XPO7: variants seen among roughly 807,000 people sequenced by gnomAD.
XPO7 encodes exportin 7, also known as exportin-7.
In XPO7, 21 loss-of-function variants were observed where a neutral mutation model predicts 144.3. The ratio of observed to expected loss-of-function variants is 0.15; its 90% CI spans 0.10 to 0.21. The LOEUF is 0.21. Ranked by LOEUF, XPO7 falls within the 10% of genes least tolerant of loss-of-function variation. The pLI, the probability that XPO7 is intolerant of heterozygous loss-of-function variation, is 1.00. For missense variants in XPO7, 808 were observed against 1,325.8 expected, an observed-to-expected ratio of 0.61 and a Z score of 6.06; for synonymous variants, 580 against 499.6, an observed-to-expected ratio of 1.16 and a Z score of -2.15.
chr8:21,920,053 G>C (rs1034195094), intron 1 of XPO7, among the ~76,000 whole-genome samples: 1 of 151,666 alleles, frequency 6.6e-6, no homozygotes, highest in Admixed American at 6.5e-5. Flanking sequence ...GGCGCGCGCA[G>C]CCCACAACGT....
At chr8:21,940,594 C>T (rs1313517642) in intron 1 of XPO7, among the ~76,000 whole-genome samples, 2 of 151,838 alleles carry the variant, frequency 1.3e-5, no homozygotes, top group African/African-American at 4.8e-5. Flanking sequence ...CTTAGCCTCC[C>T]AGTAGCTGGA....
At chr8:21,974,554 G>T (rs150226695) in intron 5 of XPO7, 116 bp from the exon 6 acceptor site, 6,943 of 668,746 alleles carry the variant, frequency 0.01, 48 homozygotes, top group Non-Finnish European at 0.014. Context: ...TGTTAAAAAT[G>T]TATTTTATGT....
intron 24 of XPO7, 95 bp from the exon 25 acceptor site, chr8:22,002,017 C>A (rs1202588917): frequency 1.4e-6 from 2 of 1,438,728 alleles, no homozygotes; most frequent in Non-Finnish European, 1.9e-6. Context: ...GTTGAATTGG[C>A]CACGGTACCC....
At chr8:21,943,569 A>G (rs1335618603) in intron 1 of XPO7, among the ~76,000 whole-genome samples, 1 of 152,248 alleles carries the variant, frequency 6.6e-6, no homozygotes, top group Non-Finnish European at 1.5e-5. Flanking sequence ...AGGGTGAGTC[A>G]TTTTGTTAAA....
At chr8:21,961,856 T>G (rs1277397333) in intron 1 of XPO7, among the ~76,000 whole-genome samples, 1 of 107,714 alleles carries the variant, frequency 9.3e-6, no homozygotes, top group African/African-American at 5.1e-5. Context: ...AGAGACGGGG[T>G]TTCATCACGT....
chr8:22,002,093 C>T lies in XPO7; in HGVS notation c.2783-19C>T, dbSNP rs1313785416. Reference sequence around the variant, plus strand: ...CACCATCAGCAGCTCTGTCCTACCCCTGCCTTTCTTTCTTGCAGACACCAT... The same window carrying T: ...CACCATCAGCAGCTCTGTCCTACCCTTGCCTTTCTTTCTTGCAGACACCAT... On this transcript the variant is annotated intron_variant, in intron 24 of 27. Coordinates refer to ENST00000252512, the MANE Select transcript of XPO7 (RefSeq NM_015024.5). 1.9e-6 allele frequency: 3 copies of T among 1,598,000 alleles called. No individual in the cohort carries two copies. The highest frequency in any genetic ancestry group is 2.6e-6 in the Non-Finnish European group (3 of 1,171,782).
chr8:21,966,416 A>G (rs557820452), intron 1 of XPO7: 3 of 696,298 alleles, frequency 4.3e-6, no homozygotes, highest in African/African-American at 3.5e-5. Flanking sequence ...ACTCAAAGGA[A>G]TATTTAAAGC....
chr8:21,932,701 T>C (rs1436503175), intron 1 of XPO7, among the ~76,000 whole-genome samples: 1 of 152,244 alleles, frequency 6.6e-6, no homozygotes, highest in Non-Finnish European at 1.5e-5. Context: ...TCTTTTATTA[T>C]TTCTAACGTT....
intron 1 of XPO7, among the ~76,000 whole-genome samples, chr8:21,933,959 A>T (rs1810737778): frequency 6.6e-6 from 1 of 152,180 alleles, no homozygotes. Context: ...TAAAATCTTA[A>T]TTTTGTTATG....
chr8:21,972,921 G>A (rs950784158), intron 5 of XPO7, among the ~76,000 whole-genome samples: 3 of 152,148 alleles, frequency 2.0e-5, no homozygotes, highest in East Asian at 1.9e-4. Context: ...TGCAATCCCC[G>A]TTGTGATCAG....
At chr8:21,999,006 A>G (rs763752178) in intron 22 of XPO7, 85 bp from the exon 23 acceptor site, 12 of 1,539,580 alleles carry the variant, frequency 7.8e-6, no homozygotes, top group Non-Finnish European at 1.1e-5. Flanking sequence ...GCCTACTGGA[A>G]TTTGTATGCC....
At chr8:21,962,103 C>G (rs1209518840) in intron 1 of XPO7, among the ~76,000 whole-genome samples, 1 of 152,194 alleles carries the variant, frequency 6.6e-6, no homozygotes, top group Admixed American at 6.5e-5. Context: ...GTATTTGGCA[C>G]TGACTTGGTA....
At position 21,966,221 on chromosome 8, in the gene XPO7, G is replaced by A. The variant is rs187710127; in HGVS notation, c.19-636G>A. 276 of 761,306 alleles carry A rather than the reference G, an allele frequency of 3.6e-4. No homozygotes were observed. In the African/African-American group the frequency reaches 4.1e-3, roughly 11 times the overall value. The allele number at this position is 761,306 out of a possible 1,614,324, so 47.2% of individuals were successfully genotyped here. On this transcript the variant is annotated intron_variant, in intron 1 of 27. Coordinates refer to ENST00000252512, the MANE Select transcript of XPO7 (RefSeq NM_015024.5). ...ATGCTAGGGTTGAATTTATTTTGAC[G>A]CTTTCATTTTAAATTTGGAACCAAA...
rs1195058355 is a variant in XPO7 at position 21,982,821 on chromosome 8, A to T, written c.1277+9A>T. On this transcript the variant is annotated intron_variant, in intron 11 of 27. Coordinates refer to ENST00000252512, the MANE Select transcript of XPO7 (RefSeq NM_015024.5). ...GTGCACATCATACTGAGGTAAGGAA[A>T]CTTAGCCTCATTCATTCCCGCACCA... The T allele has an allele frequency of 6.3e-7, 1 of 1,588,072 alleles. No homozygotes were observed. The highest frequency in any genetic ancestry group is 8.5e-7 in the Non-Finnish European group (1 of 1,170,254).
chr8:21,921,527 TA>T (rs1448284399), intron 1 of XPO7: 1 of 152,220 alleles, frequency 6.6e-6, no homozygotes, highest in African/African-American at 2.4e-5. Flanking sequence ...AAATATCTCT[TA>T]ATGTGATCTC....
intron 1 of XPO7, among the ~76,000 whole-genome samples, chr8:21,938,706 G>C (rs1810895721): frequency 6.6e-6 from 1 of 151,940 alleles, no homozygotes; most frequent in Admixed American, 6.6e-5. Context: ...TAGATATGAA[G>C]GTGATCAGCC....
chr8:21,924,497 G>A (rs1200940801), intron 1 of XPO7, among the ~76,000 whole-genome samples: 1 of 147,150 alleles, frequency 6.8e-6, no homozygotes, highest in Non-Finnish European at 1.5e-5. Context: ...TTTTAAATCT[G>A]CTTTTAGAAC....
At chr8:21,970,082 C>G in intron 3 of XPO7, 62 bp from the exon 4 acceptor site, 3 of 1,552,990 alleles carry the variant, frequency 1.9e-6, no homozygotes, top group Middle Eastern at 1.7e-4. Flanking sequence ...AAGATATACA[C>G]CCTTCTCTGG....
intron 2 of XPO7, among the ~76,000 whole-genome samples, chr8:21,967,802 T>A (rs557027724): frequency 6.6e-6 from 1 of 152,260 alleles, no homozygotes; most frequent in East Asian, 1.9e-4. Context: ...TAGAACCTCC[T>A]CCAGCTTAAA....
Sources: allele counts gnomAD v4.1 joint callset (sites outside exome capture counted in the v4.1 genomes callset), GRCh38; gene constraint gnomAD v4.1.1; transcripts MANE v1.5; gene names NCBI Gene and HGNC (gene_info 2026-07-23, HGNC 2026-07-21).